TACC2: variants seen among roughly 807,000 people sequenced by gnomAD.
TACC2 encodes transforming acidic coiled-coil containing protein 2.
In TACC2, 137 loss-of-function variants were observed where a neutral mutation model predicts 227.3. That is an observed-to-expected ratio of 0.60 (90% CI 0.52 to 0.69). The LOEUF is 0.69. TACC2 is among the 30% of genes least tolerant of loss of function. The pLI is 0.00. For missense variants in TACC2, 3,470 were observed against 3,694.4 expected (o/e 0.94, Z 1.57); for synonymous variants, 1,523 against 1,487.5 (o/e 1.02, Z -0.55).
chr10:122,107,878 A>ATTTTTTTTTTTTTTTTT (rs1204393563), intron 5 of TACC2, among the ~76,000 whole-genome samples: 5 of 88,448 alleles, frequency 5.7e-5, no homozygotes, highest in East Asian at 2.8e-4. Context: ...ATATATATAT[A>ATTTTTTTTTTTTTTTTT]TATTTTTTTT....
At chr10:121,992,891 G>A (rs1953089473) in intron 1 of TACC2, among the ~76,000 whole-genome samples, 1 of 151,818 alleles carries the variant, frequency 6.6e-6, no homozygotes, top group South Asian at 2.1e-4. Flanking sequence ...GGAGGCAGAG[G>A]TTGCAGTGAG....
In TACC2 at chr10:122,087,141, A is replaced by G; in HGVS notation, c.4641A>G (p.Ser1547=). 1 of 1,610,904 alleles carries G rather than the reference A, an allele frequency of 6.2e-7. No individual in the cohort carries two copies. The highest frequency in any genetic ancestry group is 8.5e-7 in the Non-Finnish European group (1 of 1,179,042). The change falls in exon 4 of 23, where the codon TCA becomes TCG. Residue 1547 remains serine (S), a synonymous_variant. Coordinates refer to ENST00000369005, the MANE Select transcript of TACC2 (RefSeq NM_206862.4). ...AWPGLEGQAY[S]QLERSRQELA... is the part of the protein sequence containing the mutation. ...CAGGCCTGGAAGGCCAGGCTTACTC[A>G]CAGCTGGAGAGGAGCAGGCAGGAAT...
At chr10:122,163,085 G>A (rs1387053379) in intron 7 of TACC2, among the ~76,000 whole-genome samples, 1 of 152,046 alleles carries the variant, frequency 6.6e-6, no homozygotes, top group East Asian at 1.9e-4. Flanking sequence ...CGGGCTGGCT[G>A]TGAGGGGAGA....
At chr10:121,997,142 A>T (rs17102837) in intron 1 of TACC2, among the ~76,000 whole-genome samples, 13,214 of 152,164 alleles carry the variant, frequency 0.087, 807 homozygotes, top group East Asian at 0.28. Flanking sequence ...TCTGGGCATC[A>T]TGGGCAGCTT....
intron 1 of TACC2, among the ~76,000 whole-genome samples, chr10:122,003,682 G>C (rs1386066182): frequency 6.6e-6 from 1 of 151,054 alleles, no homozygotes; most frequent in Non-Finnish European, 1.5e-5. Flanking sequence ...CTGAGATGGA[G>C]TCTGGCTCTG....
At position 121,989,752 on chromosome 10, in the gene TACC2, T is replaced by TTG. The variant is rs1452894975; in HGVS notation, c.-46+265_-46+266insGT. Among the ~76,000 whole-genome samples the TTG allele has an allele frequency of 5.5e-5, 6 of 109,750 alleles. No individual in the cohort carries two copies. The East Asian group carries it at 1.5e-3, about 28-fold the overall frequency. The allele number at this position is 109,750 out of a possible 152,430, so 72.0% of individuals were successfully genotyped here. A position where few individuals can be genotyped will look rare whatever the true frequency, so the allele number is the denominator to read the frequency against. Reference sequence around the variant, plus strand: ...TTTATTTTTATTTTTTAAATTAATTTTATTTTTTTTTTTTATGTTTTTAGA... The same window carrying TTG: ...TTTATTTTTATTTTTTAAATTAATTTTGTATTTTTTTTTTTTATGTTTTTAGA... On this transcript the variant is annotated intron_variant, in intron 1 of 22. Transcript: ENST00000369005.
intron 1 of TACC2, among the ~76,000 whole-genome samples, chr10:121,990,890 C>G (rs373746181): frequency 2.0e-5 from 3 of 152,080 alleles, no homozygotes; most frequent in Non-Finnish European, 2.9e-5. Context: ...CAGGTTCACT[C>G]GATTCTCCTG....
chr10:122,166,250 T>C (rs2093156654), intron 7 of TACC2, among the ~76,000 whole-genome samples: 1 of 152,154 alleles, frequency 6.6e-6, no homozygotes, highest in Non-Finnish European at 1.5e-5. Flanking sequence ...GGTGTAAGAG[T>C]GAAATCAAAA....
intron 7 of TACC2, among the ~76,000 whole-genome samples, chr10:122,147,972 C>T (rs1439010135): frequency 6.6e-6 from 1 of 152,198 alleles, no homozygotes; most frequent in Non-Finnish European, 1.5e-5. Context: ...TCCAGGGATC[C>T]AATCAACCGT....
Position 122,083,623 on chromosome 10 carries a change from C to T in TACC2, c.1123C>T (p.His375Tyr). The change falls in exon 4 of 23, where the codon CAC (histidine) becomes TAC (tyrosine). Residue 375 changes from histidine (H) to tyrosine (Y), a missense_variant. Around this residue, in one of 10 missense-constraint regions of TACC2, gnomAD observed 1,924 missense variants for 1,978.3 expected, o/e 0.97. Transcript: ENST00000369005. ...TCTGGACACCATTGATGTTCAGGGT[C>T]ACCCACAGACAGGGATGCGAGGAAC... ...EALDTIDVQG[H>Y]PQTGMRGTKP... is the part of the protein sequence containing the mutation. The T allele has an allele frequency of 6.2e-7, 1 of 1,611,594 alleles. No homozygotes were observed. Among genetic ancestry groups the T allele is most frequent in the Non-Finnish European group, 8.5e-7 (1 of 1,180,032 alleles).
chr10:122,014,506 C>A (rs148286759), intron 1 of TACC2, among the ~76,000 whole-genome samples: 76 of 152,264 alleles, frequency 5.0e-4, no homozygotes, highest in African/African-American at 1.7e-3. Flanking sequence ...CCACCATACC[C>A]GGCCAAGACC....
At chr10:122,226,108 C>T (rs1049356387) in intron 12 of TACC2, among the ~76,000 whole-genome samples, 6 of 152,212 alleles carry the variant, frequency 3.9e-5, no homozygotes, top group East Asian at 1.9e-4. Flanking sequence ...AGCTCACCAA[C>T]GCCGTGGCGT....
At chr10:122,160,764 A>C (rs58936963) in intron 7 of TACC2, among the ~76,000 whole-genome samples, 1 of 151,812 alleles carries the variant, frequency 6.6e-6, no homozygotes, top group Non-Finnish European at 1.5e-5. Context: ...TCAGCTTTAC[A>C]TTTTCTGTAG....
At chr10:122,220,367 G>A (rs2095500404) in intron 11 of TACC2, among the ~76,000 whole-genome samples, 1 of 152,088 alleles carries the variant, frequency 6.6e-6, no homozygotes, top group Non-Finnish European at 1.5e-5. Flanking sequence ...TTAGAAAATG[G>A]GAAGATTTGG....
chr10:122,167,728 T>C (rs983372936), intron 7 of TACC2, among the ~76,000 whole-genome samples: 1 of 152,150 alleles, frequency 6.6e-6, no homozygotes, highest in Non-Finnish European at 1.5e-5. Flanking sequence ...AGATGCCACA[T>C]CTGCAAAGAC....
rs777406394 is a variant in TACC2, at chr10:122,087,009, G to T, written c.4509G>T (p.Leu1503=). The T allele has an allele frequency of 6.2e-7, 1 of 1,613,946 alleles. No individual in the cohort carries two copies. The highest frequency in any genetic ancestry group is 8.5e-7 in the Non-Finnish European group (1 of 1,180,052). Residue 1503 remains leucine (L), a synonymous_variant, in exon 4 of 23, where the codon CTG becomes CTT. Transcript: ENST00000369005. The part of the protein sequence containing the change: ...ASDKLLGPAG[L]TWERNLPGAG... Reference sequence around the variant, plus strand: ...ACAAGCTTCTGGGTCCAGCAGGGCTGACCTGGGAGCGGAACTTGCCAGGTG... The same window carrying T: ...ACAAGCTTCTGGGTCCAGCAGGGCTTACCTGGGAGCGGAACTTGCCAGGTG...
intron 7 of TACC2, among the ~76,000 whole-genome samples, chr10:122,177,696 T>C (rs1249603686): frequency 6.6e-6 from 1 of 152,152 alleles, no homozygotes; most frequent in Non-Finnish European, 1.5e-5. Flanking sequence ...CCATGATCTG[T>C]GATCGCAAAC....
intron 1 of TACC2, among the ~76,000 whole-genome samples, chr10:122,008,356 G>A (rs924983688): frequency 6.6e-6 from 1 of 151,212 alleles, no homozygotes; most frequent in African/African-American, 2.4e-5. Flanking sequence ...CGCCTCCCAG[G>A]TTCAAGCGAT....
chr10:122,172,256 A>G (rs1422164406), intron 7 of TACC2, among the ~76,000 whole-genome samples: 1 of 152,222 alleles, frequency 6.6e-6, no homozygotes, highest in Non-Finnish European at 1.5e-5. Flanking sequence ...GAAGCTTGAC[A>G]TTTAGAAAAT....
Sources: gnomAD v4.1 joint callset for allele counts (sites outside exome capture counted in the v4.1 genomes callset) on GRCh38, gnomAD v4.1.1 for gene constraint, gnomAD v4.1.1 regional missense constraint, MANE v1.5 for transcripts, NCBI Gene and HGNC (gene_info 2026-07-23, HGNC 2026-07-21) for gene names.